FKBP6: variants seen among roughly 807,000 people sequenced by gnomAD.
FKBP6 encodes FKBP prolyl isomerase family member 6 (inactive).
Under a neutral mutation model 41.7 loss-of-function variants are expected in FKBP6, and 29 were observed. That is an observed-to-expected ratio of 0.70 (90% CI 0.52 to 0.95). FKBP6 has a LOEUF of 0.95. FKBP6 is among the 40% of genes least tolerant of loss of function. FKBP6 has a pLI of 0.00. For missense variants in FKBP6, 338 were observed against 408.7 expected (o/e 0.83, Z 1.49); for synonymous variants, 130 against 165.1 (o/e 0.79, Z 1.63).
At chr7:73,355,384 G>A (rs1456403604) in intron 8 of FKBP6, among the ~76,000 whole-genome samples, 1 of 152,160 alleles carries the variant, frequency 6.6e-6, no homozygotes, top group Non-Finnish European at 1.5e-5. Flanking sequence ...TCCTATGTTG[G>A]CGCATTCTCG....
At chr7:73,330,127 A>G in intron 3 of FKBP6, 23 bp from the exon 4 acceptor site, 1 of 1,594,272 alleles carries the variant, frequency 6.3e-7, no homozygotes, top group African/African-American at 1.3e-5. Context: ...AGCTTCACCC[A>G]CCTTCTTTGT....
At chr7:73,344,263 T>C (rs946943486) in intron 8 of FKBP6, among the ~76,000 whole-genome samples, 5 of 152,226 alleles carry the variant, frequency 3.3e-5, no homozygotes, top group African/African-American at 9.6e-5. Flanking sequence ...GACAAGGGCT[T>C]GGGCAGCCCA....
intron 8 of FKBP6, among the ~76,000 whole-genome samples, chr7:73,352,404 A>G (rs113256737): frequency 0.01 from 1,588 of 152,330 alleles, 29 homozygotes; most frequent in African/African-American, 0.033. Context: ...AATCCCAAAC[A>G]CCAACCTGGA....
Position 73,332,571 on chromosome 7 carries a change from G to A in FKBP6, c.588+795G>A, listed in dbSNP as rs1185818162. Among the ~76,000 whole-genome samples the A allele has an allele frequency of 3.3e-5, 5 of 152,100 alleles. No homozygotes were observed. The East Asian group carries it at 9.7e-4, about 29-fold the overall frequency. On this transcript the variant is annotated intron_variant, in intron 5 of 8. Coordinates refer to ENST00000252037, the MANE Select transcript of FKBP6 (RefSeq NM_003602.5). ...ACGGGGGGATAAGGGCTGAAGAGGG[G>A]ACTCTCGAGGGGATAAGGGCTGGAG...
chr7:73,339,186 T>A (rs897950401), intron 5 of FKBP6: 1 of 152,246 alleles, frequency 6.6e-6, no homozygotes, highest in Non-Finnish European at 1.5e-5. Flanking sequence ...GTATATGTGC[T>A]GCCGAAGCCA....
intron 5 of FKBP6, chr7:73,339,055 C>T (rs78492860): frequency 6.6e-6 from 1 of 152,312 alleles, no homozygotes; most frequent in East Asian, 1.9e-4. Flanking sequence ...CAAAAATTTA[C>T]ACCTATTTGT....
rs940126459 is a variant in FKBP6 at position 73,356,721 on chromosome 7, G to C, written c.*3-1460G>C. The stretch of plus-strand genomic sequence containing the variant: ...AGTTCTATCAGCAGTTTCACTGCAT[G>C]CATCAGGTATGTGATACCATATGCC... On this transcript the variant is annotated intron_variant, in intron 8 of 8. Transcript: ENST00000252037. Among the ~76,000 whole-genome samples the C allele has an allele frequency of 6.6e-5, 10 of 152,286 alleles. 2 individuals are homozygous for C. The South Asian group carries it at 1.7e-3, about 25-fold the overall frequency.
intron 8 of FKBP6, among the ~76,000 whole-genome samples, chr7:73,346,098 A>G (rs1805325442): frequency 6.6e-6 from 1 of 152,116 alleles, no homozygotes; most frequent in Non-Finnish European, 1.5e-5. Context: ...AAAAAACACC[A>G]CCCGAGGAAA....
chr7:73,353,897 C>T (rs572768913), intron 8 of FKBP6, among the ~76,000 whole-genome samples: 2 of 152,276 alleles, frequency 1.3e-5, no homozygotes, highest in Non-Finnish European at 2.9e-5. Flanking sequence ...CCACGCCCGG[C>T]TTATTTTTGT....
At chr7:73,346,470 C>G (rs1469213414) in intron 8 of FKBP6, among the ~76,000 whole-genome samples, 2 of 152,204 alleles carry the variant, frequency 1.3e-5, no homozygotes, top group Admixed American at 6.5e-5. Context: ...CTTTGCTGAG[C>G]TAGGCCTGGG....
intron 8 of FKBP6, among the ~76,000 whole-genome samples, chr7:73,355,426 C>T (rs917585689): frequency 6.6e-6 from 1 of 152,058 alleles, no homozygotes; most frequent in Non-Finnish European, 1.5e-5. Context: ...TTATTGGCTC[C>T]GATTTGAAAA....
Position 73,335,761 on chromosome 7 carries a change from A to G in FKBP6, c.588+3985A>G, listed in dbSNP as rs571041866. ...TACATTGGCACCACTCTGCCAAATC[A>G]GTCATCACACTGCCACCCACCCTGA... On this transcript the variant is annotated intron_variant, in intron 5 of 8. Coordinates refer to ENST00000252037, the MANE Select transcript of FKBP6 (RefSeq NM_003602.5). Among the ~76,000 whole-genome samples the G allele has an allele frequency of 2.6e-5, 4 of 152,258 alleles. No individual in the cohort carries two copies. The East Asian group carries it at 7.7e-4, about 29-fold the overall frequency.
intron 3 of FKBP6, 108 bp downstream of exon 3, chr7:73,329,557 T>C (rs1554547196): frequency 1.2e-6 from 1 of 801,476 alleles, no homozygotes; most frequent in East Asian, 2.4e-5. Context: ...TTGAGTTGGC[T>C]TTGCTGAGGC....
intron 4 of FKBP6, 53 bp downstream of exon 4, chr7:73,330,405 T>C: frequency 7.2e-7 from 1 of 1,380,098 alleles, no homozygotes; most frequent in Non-Finnish European, 1.0e-6. Flanking sequence ...AATGGGTTGG[T>C]GTTATTGGTA....
At chr7:73,348,540 A>G (rs1396844593) in intron 8 of FKBP6, among the ~76,000 whole-genome samples, 1 of 152,134 alleles carries the variant, frequency 6.6e-6, no homozygotes, top group Non-Finnish European at 1.5e-5. Flanking sequence ...CCCCACACCA[A>G]CCAATTCTGA....
chr7:73,335,071 G>C (rs1804960700), intron 5 of FKBP6, among the ~76,000 whole-genome samples: 2 of 150,598 alleles, frequency 1.3e-5, no homozygotes, highest in South Asian at 4.2e-4. Flanking sequence ...TGTTCTCCAG[G>C]CTTTGCCTAG....
chr7:73,349,428 G>T (rs1468163987), intron 8 of FKBP6, among the ~76,000 whole-genome samples: 1 of 149,866 alleles, frequency 6.7e-6, no homozygotes, highest in Non-Finnish European at 1.5e-5. Context: ...AAAAGGCCAG[G>T]TGCAGTGGCT....
intron 4 of FKBP6, 103 bp downstream of exon 4, chr7:73,330,455 C>T: frequency 1.1e-6 from 1 of 882,854 alleles, no homozygotes; most frequent in Non-Finnish European, 1.9e-6. Context: ...ATCGTCCTCT[C>T]CAGGGTACCC....
At chr7:73,335,554 GT>G (rs1804980285) in intron 5 of FKBP6, among the ~76,000 whole-genome samples, 1 of 152,128 alleles carries the variant, frequency 6.6e-6, no homozygotes, top group Non-Finnish European at 1.5e-5. Flanking sequence ...GGCCTCTTTG[GT>G]TCCATTTTCC....
Sources: allele counts gnomAD v4.1 joint callset (sites outside exome capture counted in the v4.1 genomes callset), GRCh38; gene constraint gnomAD v4.1.1; transcripts MANE v1.5; gene names NCBI Gene and HGNC (gene_info 2026-07-23, HGNC 2026-07-21).